TRRAP: variants seen among roughly 807,000 people sequenced by gnomAD.
The protein encoded by TRRAP is transformation/transcription domain associated protein, also known as transformation/transcription domain-associated protein.
In TRRAP, 41 loss-of-function variants were observed where a neutral mutation model predicts 438.8. That is an observed-to-expected ratio of 0.09 (90% CI 0.07 to 0.12). The LOEUF is 0.12. TRRAP is among the 10% of genes least tolerant of loss of function. The probability of loss-of-function intolerance (pLI) is 1.00; values close to 1 mark genes in which losing one functional copy is unlikely to be tolerated. For synonymous variants in TRRAP, 1,994 were observed against 1,962.9 expected (o/e 1.02, Z -0.42); for missense variants, 3,122 against 5,055.1 (o/e 0.62, Z 11.60).
rs1360414098 is a variant in TRRAP at position 99,012,472 on chromosome 7, G to C, written c.*117G>C. ...TCACAGAAGCCCCATAGTTTCACTG[G>C]GTTGCGGTTATTTTCCTGGTAGTTT... is the stretch of plus-strand genomic sequence containing the variant. On this transcript the variant is annotated 3_prime_UTR_variant, in exon 73 of 73. Transcript: ENST00000456197. The surrounding 1 kb of genome is among the most constrained non-coding windows in gnomAD (Gnocchi z 5.9). 7.9e-7 allele frequency: 1 copy of C among 1,272,138 alleles called. No homozygotes were observed. 78.8% of individuals were successfully genotyped at this position (1,272,138 alleles called of 1,614,324 possible).
intron 45 of TRRAP, among the ~76,000 whole-genome samples, 188 bp from the exon 46 acceptor site, chr7:98,961,069 TTGAG>T (rs776236755): frequency 1.3e-5 from 2 of 152,344 alleles, no homozygotes; most frequent in Admixed American, 6.5e-5. Context: ...AAAAAAGAGT[TTGAG>T]TAGTTATTTA....
chr7:98,957,862 C>T (rs1340975849), intron 43 of TRRAP, 119 bp from the exon 44 acceptor site: 1 of 829,082 alleles, frequency 1.2e-6, no homozygotes, highest in East Asian at 2.7e-5. Flanking sequence ...TCCCCAGCGC[C>T]CAGAGCTGCC....
chr7:98,908,841 C>T lies in TRRAP; in HGVS notation c.1229C>T (p.Ser410Phe), dbSNP rs782528090. The T allele has an allele frequency of 6.2e-7, 1 of 1,613,424 alleles. No individual in the cohort carries two copies. The highest frequency in any genetic ancestry group is 1.3e-5 in the African/African-American group (1 of 74,894). The change falls in exon 14 of 73, where the codon TCC (serine) becomes TTC (phenylalanine). Residue 410 changes from serine (S) to phenylalanine (F), a missense_variant. Physicochemically the swap from Ser to Phe is radical, Grantham distance 155. Coordinates refer to ENST00000456197, the MANE Select transcript of TRRAP (RefSeq NM_001375524.1). This position sits in a 1 kb window ranked among gnomAD's most constrained non-coding sequence, Gnocchi z 4.1. The part of the protein sequence containing the change: ...QLFAKNIDDE[S>F]LPSSIQTMSC... ...TTCGCCAAGAACATCGACGATGAGTCCCTGCCCAGCAGCATCCAGACCATG... is the reference window on the plus strand; with the variant it reads ...TTCGCCAAGAACATCGACGATGAGTTCCTGCCCAGCAGCATCCAGACCATG...
chr7:98,948,394 G>A lies in TRRAP; in HGVS notation c.4668+54G>A, dbSNP rs191242338. On this transcript the variant is annotated intron_variant, in intron 34 of 72. Coordinates refer to ENST00000456197, the MANE Select transcript of TRRAP (RefSeq NM_001375524.1). The surrounding 1 kb of genome is among the most constrained non-coding windows in gnomAD (Gnocchi z 4.9). ...GCTCTGCCACCCTCCGGTGCTTATA[G>A]CGTCCTCACTTGATCGTATTTTCAA... 394 of 1,612,982 alleles carry A rather than the reference G, an allele frequency of 2.4e-4. No homozygotes were observed. The African/African-American group carries it at 4.1e-3, about 17-fold the overall frequency.
At position 98,911,232 on chromosome 7, in the gene TRRAP, T is replaced by G; in HGVS notation, c.1968T>G (p.Pro656=). 6.2e-7 allele frequency: 1 copy of G among 1,613,962 alleles called. No individual in the cohort carries two copies. The highest frequency in any genetic ancestry group is 1.1e-5 in the South Asian group (1 of 91,002). ...TFKEIFQTTV[P]YMVERISKNY... ...AAGAAATCTTCCAAACTACGGTCCC[T>G]TATATGGTGGAGAGAATCTCAAAAA... is the stretch of plus-strand genomic sequence containing the variant. The change falls in exon 17 of 73, where the codon CCT becomes CCG. Residue 656 remains proline, a synonymous_variant. Coordinates refer to ENST00000456197, the MANE Select transcript of TRRAP (RefSeq NM_001375524.1).
rs566434160 is a variant in TRRAP at position 98,906,337 on chromosome 7, A to G, written c.1115+82A>G. On this transcript the variant is annotated intron_variant, in intron 13 of 72. Coordinates refer to ENST00000456197, the MANE Select transcript of TRRAP (RefSeq NM_001375524.1). ...GGCACTTCATGTTACAAGTGTTTCA[A>G]TGAACACCGGCTGTTGAGCCTTGAC... is the stretch of plus-strand genomic sequence containing the variant. 405 of 1,134,664 alleles carry G rather than the reference A, an allele frequency of 3.6e-4. 3 individuals are homozygous for G. The highest frequency in any genetic ancestry group is 1.6e-3 in the South Asian group (113 of 70,156). The allele number at this position is 1,134,664 out of a possible 1,614,324, so 70.3% of individuals were successfully genotyped here. A position where few individuals can be genotyped will look rare whatever the true frequency, so the allele number is the denominator to read the frequency against.
chr7:98,915,136 A>AT (rs1468447338), intron 18 of TRRAP, among the ~76,000 whole-genome samples: 3 of 152,034 alleles, frequency 2.0e-5, no homozygotes, highest in Admixed American at 6.6e-5. Flanking sequence ...GTCTTTTGAG[A>AT]TTTTTTTACA....
chr7:99,007,383 C>G (rs1171783920), intron 69 of TRRAP, among the ~76,000 whole-genome samples: 1 of 152,226 alleles, frequency 6.6e-6, no homozygotes, highest in Non-Finnish European at 1.5e-5. Context: ...GAGTCTCACT[C>G]TCTCATTCAG....
chr7:98,943,610 G>A lies in TRRAP; in HGVS notation c.4473+593G>A, dbSNP rs186152025. On this transcript the variant is annotated intron_variant, in intron 31 of 72. Transcript: ENST00000456197. Reference sequence around the variant, plus strand: ...ATTTGTATGGTTTTAAAGGAAAACCGCTTCAGCTAAATCTTTTAAAGTGTC... The same window carrying A: ...ATTTGTATGGTTTTAAAGGAAAACCACTTCAGCTAAATCTTTTAAAGTGTC... Among the ~76,000 whole-genome samples, 45 of 152,310 alleles carry A rather than the reference G, an allele frequency of 3.0e-4. No homozygotes were observed. In the East Asian group the frequency reaches 8.3e-3, roughly 28 times the overall value.
intron 52 of TRRAP, among the ~76,000 whole-genome samples, chr7:98,970,704 T>C (rs554464533): frequency 7.9e-5 from 12 of 152,302 alleles, no homozygotes; most frequent in African/African-American, 2.4e-4. Flanking sequence ...AACATTTCCC[T>C]GTGCCGTGAT....
chr7:99,011,990 T>C lies in TRRAP; in HGVS notation c.11338-81T>C. 2 of 1,543,970 alleles carry C rather than the reference T, an allele frequency of 1.3e-6. No individual in the cohort carries two copies. Among genetic ancestry groups the C allele is most frequent in the Non-Finnish European group, 1.8e-6 (2 of 1,139,376 alleles). ...GGTGGCCCTGAGCGGCCGCTGTGGT[T>C]GAGTCCCACCTTGTTAGGAAGCTGC... On this transcript the variant is annotated intron_variant, in intron 72 of 72. Coordinates refer to ENST00000456197, the MANE Select transcript of TRRAP (RefSeq NM_001375524.1). The surrounding 1 kb of genome is among the most constrained non-coding windows in gnomAD (Gnocchi z 7.1).
intron 3 of TRRAP, among the ~76,000 whole-genome samples, chr7:98,883,728 G>A (rs1383803172): frequency 6.6e-6 from 1 of 152,106 alleles, no homozygotes; most frequent in African/African-American, 2.4e-5. Flanking sequence ...TGCCCAGGCT[G>A]GTCTCAAACT....
chr7:98,993,496 T>TC (rs755370788), intron 65 of TRRAP, 42 bp from the exon 66 acceptor site: 1 of 1,597,370 alleles, frequency 6.3e-7, no homozygotes. Context: ...CTGGCGTCTG[T>TC]CGGTTTTGCG....
At chr7:98,967,005 T>C (rs774160509) in intron 49 of TRRAP, 36 bp from the exon 50 acceptor site, 2 of 1,586,266 alleles carry the variant, frequency 1.3e-6, no homozygotes, top group Non-Finnish European at 1.7e-6. Flanking sequence ...ATGGTTGAAA[T>C]ACTTTTAACT....
chr7:98,930,862 G>T (rs782670900), intron 25 of TRRAP, 32 bp downstream of exon 25: 7 of 1,612,416 alleles, frequency 4.3e-6, no homozygotes. Context: ...ACCTAACCAT[G>T]CTGTTTTTGA....
intron 58 of TRRAP, 139 bp from the exon 59 acceptor site, chr7:98,981,630 A>C (rs1425466594): frequency 1.2e-6 from 1 of 842,802 alleles, no homozygotes; most frequent in South Asian, 2.0e-5. Context: ...CTCTAAAGAA[A>C]ATACATTTCT....
chr7:98,969,451 G>A (rs1792308218), intron 51 of TRRAP, among the ~76,000 whole-genome samples: 1 of 152,186 alleles, frequency 6.6e-6, no homozygotes, highest in South Asian at 2.1e-4. Context: ...CACATGCCTG[G>A]CTGTGTCCTT....
intron 67 of TRRAP, chr7:98,999,200 C>G: frequency 7.1e-7 from 1 of 1,410,208 alleles, no homozygotes; most frequent in Non-Finnish European, 1.0e-6. Flanking sequence ...TTCAGATAGG[C>G]TTTGCAGTAC....
intron 67 of TRRAP, chr7:98,999,516 G>A (rs2237600): frequency 0.1 from 73,296 of 733,544 alleles, 4,382 homozygotes; most frequent in East Asian, 0.26. Flanking sequence ...AGACAATATT[G>A]GGGTGCACCA....
Sources: allele counts gnomAD v4.1 joint callset (sites outside exome capture counted in the v4.1 genomes callset), GRCh38; gene constraint gnomAD v4.1.1; non-coding constraint Gnocchi (gnomAD v3.1); transcripts MANE v1.5; gene names NCBI Gene and HGNC (gene_info 2026-07-23, HGNC 2026-07-21).